CR1: variants seen among roughly 807,000 people sequenced by gnomAD.
CR1 encodes complement C3b/C4b receptor 1 (Knops blood group), also known as complement receptor type 1.
A neutral mutation model predicts 187.3 loss-of-function variants in CR1; 116 were observed. The ratio of observed to expected loss-of-function variants is 0.62; its 90% CI spans 0.53 to 0.72. The LOEUF is 0.72. CR1 is among the 30% of genes least tolerant of loss of function. The pLI, the probability that CR1 is intolerant of heterozygous loss-of-function variation, is 0.00. For synonymous variants in CR1, 576 were observed against 747.1 expected (o/e 0.77, Z 3.73); for missense variants, 1,731 against 2,110.7 (o/e 0.82, Z 3.52).
At chr1:207,514,282 A>C (rs1324447540) in intron 4 of CR1, among the ~76,000 whole-genome samples, 1 of 152,220 alleles carries the variant, frequency 6.6e-6, no homozygotes, top group Admixed American at 6.5e-5. Flanking sequence ...TTCATGTATC[A>C]TAAAAGTTAC....
intron 43 of CR1, 86 bp downstream of exon 43, chr1:207,620,151 G>A (rs1439717572): frequency 2.2e-6 from 3 of 1,334,638 alleles, no homozygotes; most frequent in African/African-American, 2.9e-5. Flanking sequence ...AGTGTAGTGT[G>A]ATGTTTATGG....
intron 46 of CR1, among the ~76,000 whole-genome samples, chr1:207,633,520 G>GT (rs1331574467): frequency 6.6e-6 from 1 of 152,052 alleles, no homozygotes; most frequent in African/African-American, 2.4e-5. Context: ...TTCCTGTGTT[G>GT]TTTTTTGCCT....
At chr1:207,584,513 T>C in intron 32 of CR1, 136 bp from the exon 33 acceptor site, 5 of 1,065,988 alleles carry the variant, frequency 4.7e-6, no homozygotes, top group Non-Finnish European at 6.7e-6. Flanking sequence ...AATACATTTA[T>C]TTTGCAGTTT....
chr1:207,506,337 C>A (rs1659432317), intron 2 of CR1, among the ~76,000 whole-genome samples: 3 of 152,206 alleles, frequency 2.0e-5, no homozygotes, highest in Admixed American at 2.0e-4. Flanking sequence ...GGGGGTCTCC[C>A]ATTTTCATGA....
At chr1:207,598,323 C>T (rs980198448) in intron 35 of CR1, among the ~76,000 whole-genome samples, 1 of 151,632 alleles carries the variant, frequency 6.6e-6, no homozygotes, top group Non-Finnish European at 1.5e-5. Context: ...AAACAGATAA[C>T]AGTATAAGAA....
chr1:207,614,689 T>G (rs757978264), intron 40 of CR1, among the ~76,000 whole-genome samples, 200 bp downstream of exon 40: 8 of 152,216 alleles, frequency 5.3e-5, no homozygotes, highest in Non-Finnish European at 1.2e-4. Context: ...TGCAAATCAC[T>G]TAGTTTAATG....
chr1:207,630,509 C>G lies in CR1; in HGVS notation c.7353-8C>G, dbSNP rs773384634. 1.3e-6 allele frequency: 2 copies of G among 1,550,186 alleles called. No homozygotes were observed. The highest frequency in any genetic ancestry group is 4.0e-5 in the Admixed American group (2 of 50,220). On this transcript the variant is annotated splice_region_variant and splice_polypyrimidine_tract_variant and intron_variant, in intron 45 of 46. Transcript: ENST00000367049. ...GACAGTTTTTCTATTTTTTTCTCTG[C>G]CAATTAGCAATAATGCACATGAAAA...
At chr1:207,584,351 T>C (rs1661046219) in intron 32 of CR1, among the ~76,000 whole-genome samples, 1 of 152,198 alleles carries the variant, frequency 6.6e-6, no homozygotes, top group Non-Finnish European at 1.5e-5. Flanking sequence ...AATGTGACTG[T>C]GAAGATTTTT....
intron 33 of CR1, among the ~76,000 whole-genome samples, chr1:207,586,529 A>T (rs369630721): frequency 1.7e-4 from 26 of 152,374 alleles, no homozygotes; most frequent in African/African-American, 5.3e-4. Flanking sequence ...ACCACAAACT[A>T]GGTGGCTTAA....
At chr1:207,623,911 C>CT (rs71154830) in intron 45 of CR1, among the ~76,000 whole-genome samples, 2,346 of 52,464 alleles carry the variant, frequency 0.045, 167 homozygotes, top group Non-Finnish European at 0.052. Flanking sequence ...ACACCATTAA[C>CT]TTTTTTTTTT....
chr1:207,635,244 A>G (rs1000004285), intron 46 of CR1, among the ~76,000 whole-genome samples: 2 of 152,102 alleles, frequency 1.3e-5, no homozygotes, highest in Non-Finnish European at 2.9e-5. Context: ...GGTGTTCAGC[A>G]TACGGAGGAT....
At chr1:207,591,179 C>T (rs1661260981) in intron 35 of CR1, among the ~76,000 whole-genome samples, 1 of 152,134 alleles carries the variant, frequency 6.6e-6, no homozygotes, top group Admixed American at 6.5e-5. Context: ...AGCAATTATT[C>T]TAAAATTGAC....
chr1:207,572,359 C>T lies in CR1; in HGVS notation c.4451+2413C>T, dbSNP rs527894053. 5.3e-4 allele frequency among the ~76,000 whole-genome samples: 80 copies of T among 150,872 alleles called. 1 individual carries two copies. Among genetic ancestry groups the T allele is most frequent in the African/African-American group, 1.8e-3 (74 of 40,298 alleles). On this transcript the variant is annotated intron_variant, in intron 27 of 46. Transcript: ENST00000367049. ...GCTTAAGAAATTGCCACAGCCACCC[C>T]GGCCTTCAGCAACCACCACCCTGAT...
At chr1:207,580,486 C>CTTTTTTTTTTT in intron 30 of CR1, 25 bp from the exon 31 acceptor site, 5 of 1,378,382 alleles carry the variant, frequency 3.6e-6, no homozygotes, top group East Asian at 2.4e-5. Context: ...CCTATTTTTT[C>CTTTTTTTTTTT]TTTTTTTTTT....
chr1:207,634,299 C>A (rs749781005), intron 46 of CR1, among the ~76,000 whole-genome samples: 1 of 152,114 alleles, frequency 6.6e-6, no homozygotes, highest in Admixed American at 6.5e-5. Context: ...GATCACTTTT[C>A]GGTAGGTATA....
At chr1:207,612,925 G>T (rs1321089253) in intron 39 of CR1, among the ~76,000 whole-genome samples, 3 of 152,222 alleles carry the variant, frequency 2.0e-5, no homozygotes, top group Admixed American at 1.3e-4. Flanking sequence ...ATTTGATAAT[G>T]CCTGCAGCCC....
At chr1:207,616,534 TG>T in intron 40 of CR1, 40 bp from the exon 41 acceptor site, 1 of 1,598,470 alleles carries the variant, frequency 6.3e-7, no homozygotes, top group Non-Finnish European at 8.6e-7. Context: ...TCATCTTAAG[TG>T]AAATTCTAAT....
At chr1:207,589,170 T>A (rs1242829471) in intron 35 of CR1, among the ~76,000 whole-genome samples, 1 of 151,932 alleles carries the variant, frequency 6.6e-6, no homozygotes, top group African/African-American at 2.4e-5. Context: ...TTTGGGAGGG[T>A]AAACATTAAT....
intron 46 of CR1, among the ~76,000 whole-genome samples, chr1:207,638,813 T>C (rs1662893148): frequency 6.6e-6 from 1 of 152,248 alleles, no homozygotes; most frequent in Non-Finnish European, 1.5e-5. Context: ...AGATTAGTCC[T>C]ACAGTCCCCT....
Sources: gnomAD v4.1 joint callset for allele counts (sites outside exome capture counted in the v4.1 genomes callset) on GRCh38, gnomAD v4.1.1 for gene constraint, MANE v1.5 for transcripts, NCBI Gene and HGNC (gene_info 2026-07-23, HGNC 2026-07-21) for gene names.